APBA1: variants seen among roughly 807,000 people sequenced by gnomAD.
The protein encoded by APBA1 is amyloid-beta A4 precursor protein-binding family A member 1.
A neutral mutation model predicts 86.6 loss-of-function variants in APBA1; 55 were observed. That is an observed-to-expected ratio of 0.64 (90% CI 0.51 to 0.80). The LOEUF (loss-of-function observed/expected upper bound fraction) is 0.80. Among genes scored for constraint, APBA1 ranks in the 30% least tolerant of loss-of-function variants. APBA1 has a pLI of 0.00. For synonymous variants in APBA1, 511 were observed against 493.9 expected (o/e 1.03, Z -0.46); for missense variants, 1,090 against 1,183.0 (o/e 0.92, Z 1.15).
chr9:69,519,943 G>T (rs1424105126), intron 1 of APBA1, among the ~76,000 whole-genome samples: 3 of 152,172 alleles, frequency 2.0e-5, no homozygotes, highest in Non-Finnish European at 1.5e-5. Flanking sequence ...GGGGCAGGGG[G>T]TGGTGGAAGA....
intron 1 of APBA1, among the ~76,000 whole-genome samples, chr9:69,656,839 CTT>C (rs55751456): frequency 3.7e-5 from 5 of 134,704 alleles, no homozygotes; most frequent in Non-Finnish European, 4.7e-5. Context: ...ACCGGGAGAT[CTT>C]TTTTTTTTTT....
chr9:69,495,174 C>T (rs1400196747), intron 2 of APBA1, among the ~76,000 whole-genome samples: 1 of 152,142 alleles, frequency 6.6e-6, no homozygotes, highest in African/African-American at 2.4e-5. Context: ...CCTGATTCCA[C>T]TGCCTCCTGT....
chr9:69,544,110 T>C (rs1390222652), intron 1 of APBA1, among the ~76,000 whole-genome samples: 2 of 152,192 alleles, frequency 1.3e-5, no homozygotes, highest in Admixed American at 1.3e-4. Flanking sequence ...TTTTTTGTTA[T>C]TATTATTTTT....
intron 1 of APBA1, among the ~76,000 whole-genome samples, chr9:69,605,268 T>TAAA (rs544009394): frequency 1.4e-5 from 2 of 146,614 alleles, no homozygotes; most frequent in African/African-American, 5.0e-5. Context: ...TCCTTTACAG[T>TAAA]AAAAAAAAAA....
At chr9:69,653,889 C>T (rs1330933251) in intron 1 of APBA1, among the ~76,000 whole-genome samples, 3 of 152,084 alleles carry the variant, frequency 2.0e-5, no homozygotes, top group African/African-American at 7.2e-5. Flanking sequence ...AGGTGGATCA[C>T]TTGAGGTGAG....
At chr9:69,647,002 C>G (rs1178519529) in intron 1 of APBA1, among the ~76,000 whole-genome samples, 1 of 152,200 alleles carries the variant, frequency 6.6e-6, no homozygotes, top group Non-Finnish European at 1.5e-5. Context: ...GCTCAAGCCC[C>G]AGTATGCTGC....
At chr9:69,519,134 G>C (rs760018204) in intron 1 of APBA1, among the ~76,000 whole-genome samples, 3 of 152,220 alleles carry the variant, frequency 2.0e-5, no homozygotes, top group Non-Finnish European at 4.4e-5. Flanking sequence ...GTATAAGAAA[G>C]TCTCCAAAAG....
chr9:69,628,657 G>C (rs2133995952), intron 1 of APBA1, among the ~76,000 whole-genome samples: 2 of 152,196 alleles, frequency 1.3e-5, no homozygotes, highest in South Asian at 4.1e-4. Flanking sequence ...TTAACCAGAA[G>C]AACTTCTTAA....
intron 1 of APBA1, among the ~76,000 whole-genome samples, chr9:69,564,884 A>G (rs936011396): frequency 6.6e-6 from 1 of 152,240 alleles, no homozygotes; most frequent in African/African-American, 2.4e-5. Flanking sequence ...TCTTAGCAGC[A>G]TTATTCACAA....
chr9:69,442,255 C>G (rs1176675852), intron 10 of APBA1, among the ~76,000 whole-genome samples: 1 of 152,196 alleles, frequency 6.6e-6, no homozygotes, highest in African/African-American at 2.4e-5. Flanking sequence ...TCATGGTATG[C>G]AGGAGGATCA....
At chr9:69,455,055 G>A (rs544398608) in intron 8 of APBA1, among the ~76,000 whole-genome samples, 1 of 152,100 alleles carries the variant, frequency 6.6e-6, no homozygotes, top group African/African-American at 2.4e-5. Flanking sequence ...CCACAGCCAC[G>A]ACAGCTCTGG....
chr9:69,456,525 G>C, intron 7 of APBA1, 93 bp from the exon 8 acceptor site: 1 of 1,345,276 alleles, frequency 7.4e-7, no homozygotes, highest in South Asian at 1.4e-5. Flanking sequence ...AGTATGGTTC[G>C]CATGCAGGGT....
chr9:69,650,617 C>A (rs1284037151), intron 1 of APBA1, among the ~76,000 whole-genome samples: 1 of 152,188 alleles, frequency 6.6e-6, no homozygotes, highest in Non-Finnish European at 1.5e-5. Context: ...CACGAATAAC[C>A]TGAATTCAGT....
At chr9:69,555,310 T>C (rs1224172291) in intron 1 of APBA1, among the ~76,000 whole-genome samples, 1 of 152,206 alleles carries the variant, frequency 6.6e-6, no homozygotes, top group East Asian at 1.9e-4. Context: ...CTGGTGGTGC[T>C]AGATACCACA....
intron 10 of APBA1, 49 bp from the exon 11 acceptor site, chr9:69,441,164 A>G: frequency 6.3e-7 from 1 of 1,576,184 alleles, no homozygotes; most frequent in Non-Finnish European, 8.6e-7. Context: ...TGAGGCAGAC[A>G]GAATAAACAA....
intron 2 of APBA1, among the ~76,000 whole-genome samples, chr9:69,482,886 G>A (rs1175926801): frequency 6.8e-6 from 1 of 146,686 alleles, no homozygotes; most frequent in African/African-American, 2.5e-5. Context: ...AAAAAACACC[G>A]CATATTCTCA....
At chr9:69,466,173 G>A (rs950187000) in intron 5 of APBA1, among the ~76,000 whole-genome samples, 7 of 152,144 alleles carry the variant, frequency 4.6e-5, no homozygotes, top group Non-Finnish European at 1.0e-4. Context: ...AGATCAGTGG[G>A]TGACACACAG....
At chr9:69,457,988 G>A (rs1015107959) in intron 6 of APBA1, among the ~76,000 whole-genome samples, 168 bp downstream of exon 6, 20 of 152,222 alleles carry the variant, frequency 1.3e-4, no homozygotes, top group East Asian at 7.7e-4. Context: ...GGCCACCTTC[G>A]GCAACTGAGT....
At chr9:69,512,047 C>T (rs1469754156) in intron 2 of APBA1, among the ~76,000 whole-genome samples, 1 of 150,786 alleles carries the variant, frequency 6.6e-6, no homozygotes, top group East Asian at 1.9e-4. Context: ...ACAATGTGCA[C>T]ATGTACCCTA....
Sources: gnomAD v4.1 joint callset for allele counts (sites outside exome capture counted in the v4.1 genomes callset) on GRCh38, gnomAD v4.1.1 for gene constraint, MANE v1.5 for transcripts, NCBI Gene and HGNC (gene_info 2026-07-23, HGNC 2026-07-21) for gene names.